The following PCTP variants were observed in gnomAD, a reference collection of about 807,000 sequenced individuals.
PCTP encodes START domain-containing protein 2.
In PCTP, 27 loss-of-function variants were observed where a neutral mutation model predicts 31.0. That is an observed-to-expected ratio of 0.87 (90% CI 0.64 to 1.20). The LOEUF (loss-of-function observed/expected upper bound fraction) is 1.20, where lower values mean the gene tolerates loss of function less well. Among genes scored for constraint, PCTP ranks in the 50% most tolerant of loss-of-function variants. The pLI is 0.00. For missense variants in PCTP, 287 were observed against 268.2 expected (o/e 1.07, Z -0.49); for synonymous variants, 108 against 101.2 (o/e 1.07, Z -0.40).
intron 2 of PCTP, among the ~76,000 whole-genome samples, chr17:55,785,887 A>G (rs1440148287): frequency 6.6e-6 from 1 of 152,192 alleles, no homozygotes; most frequent in Non-Finnish European, 1.5e-5. Context: ...TATCTAGGCT[A>G]ATTAATTTTA....
chr17:55,776,982 G>T lies in PCTP; in HGVS notation c.*882G>T. 1 of 985,674 alleles carries T rather than the reference G, an allele frequency of 1.0e-6. No individual in the cohort carries two copies. The highest frequency in any genetic ancestry group is 4.7e-5 in the South Asian group (1 of 21,290). The allele number at this position is 985,674 out of a possible 1,614,324, so 61.1% of individuals were successfully genotyped here. ...AAAGTATCTTTCTATGCAATAAGAT[G>T]AATTTTCCTCCCAGAATATTTAGAA... is the stretch of plus-strand genomic sequence containing the variant. On this transcript the variant is annotated 3_prime_UTR_variant, in exon 6 of 6. Coordinates refer to ENST00000268896, the MANE Select transcript of PCTP (RefSeq NM_021213.4).
intron 1 of PCTP, among the ~76,000 whole-genome samples, chr17:55,755,569 G>C (rs1298470684): frequency 6.6e-6 from 1 of 151,842 alleles, no homozygotes; most frequent in Non-Finnish European, 1.5e-5. Context: ...TGGACAAGTG[G>C]GCAATTTTGA....
At chr17:55,825,341 G>A (rs1212908356), downstream of PCTP, among the ~76,000 whole-genome samples, 2 of 152,236 alleles carry the variant, frequency 1.3e-5, no homozygotes, top group Non-Finnish European at 2.9e-5. Flanking sequence ...TCAGTTTTGT[G>A]TTGAGTGAAT....
At chr17:55,794,488 A>G (rs1041396863) in intron 3 of PCTP, among the ~76,000 whole-genome samples, 1 of 151,824 alleles carries the variant, frequency 6.6e-6, no homozygotes, top group Non-Finnish European at 1.5e-5. Flanking sequence ...AAATAATTCT[A>G]TAAGAATTCT....
At chr17:55,802,018 A>G (rs901166217) in intron 3 of PCTP, among the ~76,000 whole-genome samples, 4 of 152,322 alleles carry the variant, frequency 2.6e-5, no homozygotes, top group African/African-American at 9.6e-5. Context: ...ACACAATAAA[A>G]AATGATAAAG....
intron 5 of PCTP, among the ~76,000 whole-genome samples, chr17:55,838,596 A>G (rs1905853016): frequency 6.6e-6 from 1 of 152,170 alleles, no homozygotes; most frequent in African/African-American, 2.4e-5. Flanking sequence ...TTTGCTCATC[A>G]TTATAGCCCA....
At position 55,775,947 on chromosome 17, in the gene PCTP, C is replaced by A. The variant is rs538949386; in HGVS notation, c.580-88C>A. On this transcript the variant is annotated intron_variant, in intron 5 of 5. Coordinates refer to ENST00000268896, the MANE Select transcript of PCTP (RefSeq NM_021213.4). ...CTATTCATTTTTGTTCGTCCTAAAG[C>A]CAACATTGTTTACCTTCTGCCACAT... 7.1e-6 allele frequency: 11 copies of A among 1,559,614 alleles called. No homozygotes were observed. In the East Asian group the frequency reaches 2.5e-4, roughly 36 times the overall value.
At chr17:55,851,694 G>C in the PCTP span, among the ~76,000 whole-genome samples, 2 of 152,174 alleles carry the variant, frequency 1.3e-5, no homozygotes, top group Non-Finnish European at 2.9e-5. Flanking sequence ...TATTGGGTCA[G>C]AGCAATGGAT....
At chr17:55,804,209 AAAC>A (rs1555569808) in intron 3 of PCTP, among the ~76,000 whole-genome samples, 1 of 152,226 alleles carries the variant, frequency 6.6e-6, no homozygotes, top group Non-Finnish European at 1.5e-5. Flanking sequence ...AAAAGTCAGG[AAAC>A]AACAGATGCT....
the PCTP span, among the ~76,000 whole-genome samples, chr17:55,851,265 A>G: frequency 6.6e-6 from 1 of 152,206 alleles, no homozygotes. Context: ...TGAGAATCTT[A>G]TCAGTGCTAT....
chr17:55,816,214 T>C (rs1444121060), intron 3 of PCTP, among the ~76,000 whole-genome samples: 2 of 152,250 alleles, frequency 1.3e-5, no homozygotes, highest in African/African-American at 4.8e-5. Flanking sequence ...AACATTTTCA[T>C]GATCACCCCC....
At chr17:55,751,420 C>G (rs1909705407) in intron 1 of PCTP, 176 bp downstream of exon 1, 1 of 1,534,372 alleles carries the variant, frequency 6.5e-7, no homozygotes, top group Non-Finnish European at 8.7e-7. Context: ...GGCGGTGCCT[C>G]CAAGTGACTG....
chr17:55,774,998 A>C, intron 5 of PCTP, 139 bp downstream of exon 5: 1 of 993,816 alleles, frequency 1.0e-6, no homozygotes, highest in East Asian at 2.5e-5. Flanking sequence ...AGTTTGGTTG[A>C]GTGACTCTGG....
intron 3 of PCTP, among the ~76,000 whole-genome samples, chr17:55,817,333 T>A (rs1336151019): frequency 6.6e-6 from 1 of 152,232 alleles, no homozygotes; most frequent in Non-Finnish European, 1.5e-5. Context: ...GCTAAAACTT[T>A]GCTCTAAGAG....
chr17:55,766,077 A>G (rs1372007333), intron 1 of PCTP, among the ~76,000 whole-genome samples: 1 of 151,862 alleles, frequency 6.6e-6, no homozygotes, highest in African/African-American at 2.4e-5. Context: ...TTATCACACA[A>G]CTCTTCTTAC....
chr17:55,851,889 A>G, the PCTP span, among the ~76,000 whole-genome samples: 2 of 152,302 alleles, frequency 1.3e-5, no homozygotes, highest in Non-Finnish European at 2.9e-5. Flanking sequence ...TGTATGTACT[A>G]TCTTGATCTC....
chr17:55,790,739 T>C (rs1267786998), intron 3 of PCTP, among the ~76,000 whole-genome samples: 2 of 149,446 alleles, frequency 1.3e-5, no homozygotes, highest in Admixed American at 1.3e-4. Context: ...CCAAGGTAAT[T>C]TACAGATTCA....
At chr17:55,804,191 G>A (rs190346701) in intron 3 of PCTP, among the ~76,000 whole-genome samples, 2 of 152,204 alleles carry the variant, frequency 1.3e-5, no homozygotes, top group East Asian at 1.9e-4. Flanking sequence ...ATAGAATGGC[G>A]ATCATTAAAA....
chr17:55,791,316 A>G (rs969605362), intron 3 of PCTP, among the ~76,000 whole-genome samples: 7 of 150,152 alleles, frequency 4.7e-5, no homozygotes, highest in Admixed American at 4.0e-4. Context: ...GGATCTAATT[A>G]AACTAAAGAG....
Sources: allele counts gnomAD v4.1 joint callset (sites outside exome capture counted in the v4.1 genomes callset), GRCh38; gene constraint gnomAD v4.1.1; transcripts MANE v1.5; gene names NCBI Gene and HGNC (gene_info 2026-07-23, HGNC 2026-07-21).